RBL1: variants seen among roughly 807,000 people sequenced by gnomAD.
RBL1 encodes the protein retinoblastoma-like protein 1.
A neutral mutation model predicts 123.0 loss-of-function variants in RBL1; 82 were observed. That is an observed-to-expected ratio of 0.67 (90% CI 0.56 to 0.80). The LOEUF is 0.80. Among genes scored for constraint, RBL1 ranks in the 30% least tolerant of loss-of-function variants. RBL1 has a pLI of 0.00. For synonymous variants in RBL1, 405 were observed against 441.3 expected (o/e 0.92, Z 1.03); for missense variants, 1,171 against 1,299.6 (o/e 0.90, Z 1.52).
Position 37,050,544 on chromosome 20 carries a change from CAAAAAAAAAAAA to C in RBL1, c.1468-3366_1468-3355del, listed in dbSNP as rs148834732. Reference sequence around the variant, plus strand: ...TGGGTGGCAGAGCAAGACTCTGTCTCAAAAAAAAAAAAAAAAAAAAAAAAAAAGGTACAATAA... The same window carrying C: ...TGGGTGGCAGAGCAAGACTCTGTCTCAAAAAAAAAAAAAAAGGTACAATAA... On this transcript the variant is annotated intron_variant, in intron 11 of 21. Transcript: ENST00000373664. Among the ~76,000 whole-genome samples the C allele has an allele frequency of 6.4e-3, 70 of 10,944 alleles. 1 individual carries two copies. The highest frequency in any genetic ancestry group is 0.026 in the Admixed American group (20 of 756). The allele number at this position is 10,944 out of a possible 152,430, so 7.2% of individuals were successfully genotyped here. A position where few individuals can be genotyped will look rare whatever the true frequency, so the allele number is the denominator to read the frequency against.
intron 13 of RBL1, 102 bp from the exon 14 acceptor site, chr20:37,040,387 T>C (rs1461411768): frequency 2.0e-6 from 3 of 1,464,256 alleles, no homozygotes; most frequent in Non-Finnish European, 2.7e-6. Flanking sequence ...AGTCTCATTC[T>C]GTTGCCCAGG....
In RBL1 at chr20:37,095,899, C is replaced by G; in HGVS notation, c.30G>C (p.Gly10=). The change falls in exon 1 of 22, where the codon GGG becomes GGC. Residue 10 remains glycine (G), a synonymous_variant. Coordinates refer to ENST00000373664, the MANE Select transcript of RBL1 (RefSeq NM_002895.5). MFEDKPHAE[G]AAVVAAAGEA... Reference sequence around the variant, plus strand: ...CCCCGGCTGCGGCGACCACCGCCGCCCCCTCAGCGTGGGGCTTGTCCTCGA... The same window carrying G: ...CCCCGGCTGCGGCGACCACCGCCGCGCCCTCAGCGTGGGGCTTGTCCTCGA... 2 of 1,602,180 alleles carry G rather than the reference C, an allele frequency of 1.2e-6. No homozygotes were observed. The highest frequency in any genetic ancestry group is 1.7e-6 in the Non-Finnish European group (2 of 1,175,514).
chr20:37,049,349 T>C, intron 11 of RBL1: 1 of 692,532 alleles, frequency 1.4e-6, no homozygotes, highest in Admixed American at 2.0e-5. Flanking sequence ...AGATCCAGGA[T>C]AAGGAAGGAA....
intron 8 of RBL1, among the ~76,000 whole-genome samples, 189 bp downstream of exon 8, chr20:37,061,895 T>C (rs185893442): frequency 9.5e-4 from 144 of 152,300 alleles, no homozygotes; most frequent in Non-Finnish European, 4.0e-4. Flanking sequence ...ATATAAAATA[T>C]GAATAGTAAG....
intron 1 of RBL1, among the ~76,000 whole-genome samples, chr20:37,093,810 T>A (rs1391346685): frequency 6.6e-6 from 1 of 151,888 alleles, no homozygotes; most frequent in African/African-American, 2.4e-5. Flanking sequence ...CTCAGCTAAT[T>A]TTATATTTTT....
At position 37,067,069 on chromosome 20, in the gene RBL1, T is replaced by C. The variant is rs780153631; in HGVS notation, c.609A>G (p.Leu203=). Residue 203 remains leucine, a synonymous_variant, in exon 5 of 22, where the codon CTA becomes CTG. Transcript: ENST00000373664. The part of the protein sequence containing the change: ...DDLVNSYHLL[L]CCLDLIFANA... ...TGGCAAAAATCAGATCCAAGCAGCA[T>C]AGAAGTAAATGATAAGAGTTTACTA... The C allele has an allele frequency of 3.0e-5, 48 of 1,606,816 alleles. No homozygotes were observed. Among genetic ancestry groups the C allele is most frequent in the Admixed American group, 1.5e-4 (9 of 59,106 alleles).
chr20:37,071,769 T>C lies in RBL1; in HGVS notation c.291-3583A>G, dbSNP rs1226947254. 2.6e-5 allele frequency among the ~76,000 whole-genome samples: 4 copies of C among 152,316 alleles called. No individual in the cohort carries two copies. In the South Asian group the frequency reaches 6.2e-4, roughly 24 times the overall value. ...GCTCTCCTCATGGTAGTGAGTTTAG[T>C]TGTCACTCACCTGAGATCTGGCTGT... On this transcript the variant is annotated intron_variant, in intron 2 of 21. Coordinates refer to ENST00000373664, the MANE Select transcript of RBL1 (RefSeq NM_002895.5).
At chr20:37,051,069 G>A (rs2064903278) in intron 11 of RBL1, among the ~76,000 whole-genome samples, 1 of 152,080 alleles carries the variant, frequency 6.6e-6, no homozygotes, top group African/African-American at 2.4e-5. Context: ...TTGGAGGACA[G>A]TAGCTATTCA....
At chr20:37,058,016 T>G (rs1371819903) in intron 9 of RBL1, among the ~76,000 whole-genome samples, 2 of 151,042 alleles carry the variant, frequency 1.3e-5, no homozygotes, top group Non-Finnish European at 2.9e-5. Context: ...TCCCAGCTAC[T>G]CAGGAGGCTG....
chr20:37,052,354 T>C (rs1356107360), intron 11 of RBL1, among the ~76,000 whole-genome samples: 1 of 151,982 alleles, frequency 6.6e-6, no homozygotes, highest in African/African-American at 2.4e-5. Flanking sequence ...TATTTTGAGA[T>C]GCAGTCTCTC....
chr20:37,001,133 GC>G (rs1209170313), intron 21 of RBL1, among the ~76,000 whole-genome samples: 1 of 147,188 alleles, frequency 6.8e-6, no homozygotes, highest in Non-Finnish European at 1.5e-5. Context: ...GGGGGGGTCA[GC>G]CCCCCGCCCG....
At chr20:36,999,023 T>A in intron 21 of RBL1, 94 bp from the exon 22 acceptor site, 1 of 1,184,288 alleles carries the variant, frequency 8.4e-7, no homozygotes, top group Non-Finnish European at 1.2e-6. Flanking sequence ...TGCTCTATCC[T>A]CTATCCAAAT....
intron 11 of RBL1, among the ~76,000 whole-genome samples, chr20:37,051,697 AAAAAG>A (rs2064916852): frequency 6.6e-6 from 1 of 152,108 alleles, no homozygotes; most frequent in African/African-American, 2.4e-5. Flanking sequence ...GAGAGGGAGG[AAAAAG>A]AAAACAAAAT....
chr20:37,030,568 A>T (rs946078072), intron 16 of RBL1, among the ~76,000 whole-genome samples: 4 of 152,016 alleles, frequency 2.6e-5, no homozygotes, highest in Non-Finnish European at 4.4e-5. Flanking sequence ...AAAAGTTCAA[A>T]AACAGGCCCG....
At position 37,034,731 on chromosome 20, in the gene RBL1, C is replaced by T. The variant is rs1568842865; in HGVS notation, c.2170+511G>A. 4.0e-5 allele frequency among the ~76,000 whole-genome samples: 6 copies of T among 151,152 alleles called. No homozygotes were observed. In the South Asian group the frequency reaches 1.3e-3, roughly 32 times the overall value. On this transcript the variant is annotated intron_variant, in intron 15 of 21. Coordinates refer to ENST00000373664, the MANE Select transcript of RBL1 (RefSeq NM_002895.5). ...AAAAAGTAAAATAAGTCTAAACAAACAGAGAGGGTAGTAAATTTATAAAAT... is the reference window on the plus strand; with the variant it reads ...AAAAAGTAAAATAAGTCTAAACAAATAGAGAGGGTAGTAAATTTATAAAAT...
intron 16 of RBL1, among the ~76,000 whole-genome samples, chr20:37,031,930 T>C (rs994805992): frequency 9.0e-5 from 13 of 144,882 alleles, no homozygotes; most frequent in African/African-American, 2.8e-4. Context: ...TTTTTTAAAA[T>C]AGAGATAGGG....
At chr20:37,072,191 G>A (rs986941749) in intron 2 of RBL1, among the ~76,000 whole-genome samples, 3 of 152,046 alleles carry the variant, frequency 2.0e-5, no homozygotes, top group Middle Eastern at 3.2e-3. Flanking sequence ...TTTTTTGGCC[G>A]GGTGCAGTGG....
At chr20:37,001,918 T>TAAAAAAAAAAAAAAA (rs757774894) in intron 21 of RBL1, among the ~76,000 whole-genome samples, 2 of 86,542 alleles carry the variant, frequency 2.3e-5, no homozygotes, top group African/African-American at 4.4e-5. Flanking sequence ...TGCAGAACAA[T>TAAAAAAAAAAAAAAA]AAAAAAAAAA....
chr20:37,032,770 A>G lies in RBL1; in HGVS notation c.2277T>C (p.Ile759=), dbSNP rs1174484906. The part of the protein sequence containing the change: ...SPVSLTAHSL[I]GASPKQTNLT... ...GATTGGTCTGTTTTGGAGAAGCACC[A>G]ATTAATGAATGAGCAGTAAGTGATA... The change falls in exon 16 of 22, where the codon ATT becomes ATC. Residue 759 remains isoleucine (I), a synonymous_variant. Transcript: ENST00000373664. The G allele has an allele frequency of 1.2e-6, 2 of 1,614,106 alleles. No homozygotes were observed. The highest frequency in any genetic ancestry group is 1.3e-5 in the African/African-American group (1 of 75,054).
Sources: gnomAD v4.1 joint callset for allele counts (sites outside exome capture counted in the v4.1 genomes callset) on GRCh38, gnomAD v4.1.1 for gene constraint, MANE v1.5 for transcripts, NCBI Gene and HGNC (gene_info 2026-07-23, HGNC 2026-07-21) for gene names.